Variants in CDK14 observed in about 807,000 individuals in gnomAD.
CDK14 encodes the protein cyclin-dependent kinase 14.
CDK14 carries 34 observed loss-of-function variants against 60.7 expected under a neutral mutation model. The observed-to-expected ratio is 0.56, with a 90% CI of 0.43 to 0.75. CDK14 has a LOEUF of 0.75. Among genes scored for constraint, CDK14 ranks in the 30% least tolerant of loss-of-function variants. The pLI is 0.00. For missense variants in CDK14, 482 were observed against 564.1 expected (o/e 0.85, Z 1.47); for synonymous variants, 197 against 203.7 (o/e 0.97, Z 0.28).
At chr7:90,946,006 A>C (rs189763413) in intron 8 of CDK14, among the ~76,000 whole-genome samples, 101 of 152,300 alleles carry the variant, frequency 6.6e-4, no homozygotes, top group Middle Eastern at 3.4e-3. Context: ...AGAAGTGTTT[A>C]AGTCTGAGGG....
chr7:91,138,226 G>A (rs1178343333), intron 14 of CDK14, among the ~76,000 whole-genome samples: 1 of 152,086 alleles, frequency 6.6e-6, no homozygotes, highest in Non-Finnish European at 1.5e-5. Flanking sequence ...TCTGTATGAA[G>A]GCTTTATCTT....
At chr7:90,837,020 T>C (rs1402800890) in intron 5 of CDK14, among the ~76,000 whole-genome samples, 1 of 152,194 alleles carries the variant, frequency 6.6e-6, no homozygotes, top group Non-Finnish European at 1.5e-5. Flanking sequence ...AGTCTCCTTC[T>C]CAGGAAAATA....
chr7:90,918,654 A>G (rs1436985119), intron 8 of CDK14, among the ~76,000 whole-genome samples: 5 of 152,224 alleles, frequency 3.3e-5, no homozygotes, highest in East Asian at 1.9e-4. Flanking sequence ...AATTTGTTCT[A>G]TTAAGAATGG....
chr7:90,997,678 G>A (rs1795722837), intron 10 of CDK14, among the ~76,000 whole-genome samples: 1 of 152,134 alleles, frequency 6.6e-6, no homozygotes, highest in Non-Finnish European at 1.5e-5. Context: ...GCTGAGAGGT[G>A]TTAATAAAAC....
At chr7:90,903,278 C>T (rs1792578797) in intron 7 of CDK14, among the ~76,000 whole-genome samples, 1 of 152,088 alleles carries the variant, frequency 6.6e-6, no homozygotes, top group Admixed American at 6.6e-5. Flanking sequence ...TTCATTGAAG[C>T]ACTATTCACA....
chr7:90,773,091 AATG>A (rs1428416727), intron 4 of CDK14, among the ~76,000 whole-genome samples: 1 of 152,252 alleles, frequency 6.6e-6, no homozygotes, highest in East Asian at 1.9e-4. Flanking sequence ...GTTTGTAAAG[AATG>A]ATTAGTTGAA....
At chr7:91,204,454 G>T (rs1802820733) in intron 14 of CDK14, among the ~76,000 whole-genome samples, 1 of 152,078 alleles carries the variant, frequency 6.6e-6, no homozygotes, top group Non-Finnish European at 1.5e-5. Context: ...AAAAACTTTT[G>T]TACATCAAAG....
At chr7:91,113,676 CAT>C (rs906563013) in intron 13 of CDK14, among the ~76,000 whole-genome samples, 4 of 152,168 alleles carry the variant, frequency 2.6e-5, no homozygotes, top group Non-Finnish European at 5.9e-5. Flanking sequence ...TTACAGTAGA[CAT>C]ATGATTATTT....
intron 2 of CDK14, among the ~76,000 whole-genome samples, chr7:90,697,558 CT>C (rs1175438280): frequency 2.0e-5 from 3 of 152,220 alleles, no homozygotes; most frequent in Admixed American, 6.5e-5. Flanking sequence ...CTTCCTTTAG[CT>C]TTTCGGATGT....
intron 2 of CDK14, among the ~76,000 whole-genome samples, chr7:90,699,164 A>C (rs1801729498): frequency 6.6e-6 from 1 of 152,192 alleles, no homozygotes; most frequent in Admixed American, 6.5e-5. Flanking sequence ...GGAACTGATA[A>C]AATTAAGGAG....
At chr7:91,093,611 A>G (rs530130279) in intron 12 of CDK14, among the ~76,000 whole-genome samples, 12 of 152,162 alleles carry the variant, frequency 7.9e-5, no homozygotes, top group Non-Finnish European at 1.2e-4. Flanking sequence ...CCTCACCATT[A>G]TCTTATTTTA....
At chr7:91,042,508 C>T (rs1004315536) in intron 10 of CDK14, among the ~76,000 whole-genome samples, 1 of 152,214 alleles carries the variant, frequency 6.6e-6, no homozygotes, top group Non-Finnish European at 1.5e-5. Context: ...CAAGTCCTTA[C>T]ATCTTCTGTG....
intron 5 of CDK14, among the ~76,000 whole-genome samples, chr7:90,792,535 T>C (rs1325011147): frequency 6.6e-6 from 1 of 152,146 alleles, no homozygotes; most frequent in African/African-American, 2.4e-5. Flanking sequence ...AACCATGTTC[T>C]CCCTGTATTA....
intron 8 of CDK14, among the ~76,000 whole-genome samples, chr7:90,924,594 T>A (rs1171180483): frequency 2.0e-5 from 3 of 152,234 alleles, no homozygotes; most frequent in African/African-American, 7.2e-5. Flanking sequence ...TGACAGTAAA[T>A]GAATTATTGC....
intron 7 of CDK14, among the ~76,000 whole-genome samples, chr7:90,903,085 A>G (rs1213882085): frequency 6.6e-6 from 1 of 152,158 alleles, no homozygotes; most frequent in Non-Finnish European, 1.5e-5. Context: ...GACAAAACAT[A>G]ACAAATGTTA....
intron 11 of CDK14, among the ~76,000 whole-genome samples, chr7:91,058,763 C>T (rs1797672451): frequency 6.6e-6 from 1 of 152,196 alleles, no homozygotes; most frequent in African/African-American, 2.4e-5. Context: ...CCCACTTGAT[C>T]ATGATGGATA....
intron 11 of CDK14, among the ~76,000 whole-genome samples, chr7:91,066,490 G>T (rs1037611231): frequency 2.6e-5 from 4 of 152,166 alleles, no homozygotes; most frequent in African/African-American, 7.2e-5. Context: ...TGTCATTGAA[G>T]TTAAAAACAC....
At chr7:90,960,732 C>T (rs1794579818) in intron 9 of CDK14, among the ~76,000 whole-genome samples, 1 of 152,158 alleles carries the variant, frequency 6.6e-6, no homozygotes, top group African/African-American at 2.4e-5. Context: ...AATGATCTTT[C>T]TTGAGCCAAG....
At chr7:90,762,463 A>G (rs1230003253) in intron 4 of CDK14, among the ~76,000 whole-genome samples, 1 of 152,180 alleles carries the variant, frequency 6.6e-6, no homozygotes, top group Non-Finnish European at 1.5e-5. Flanking sequence ...GAGAGAGCAC[A>G]AAAACAATGA....
Sources: allele counts gnomAD v4.1 joint callset (sites outside exome capture counted in the v4.1 genomes callset), GRCh38; gene constraint gnomAD v4.1.1; transcripts MANE v1.5; gene names NCBI Gene and HGNC (gene_info 2026-07-23, HGNC 2026-07-21).